Variants in CHCHD3 observed in about 807,000 individuals in gnomAD.
CHCHD3 encodes the protein coiled-coil-helix-coiled-coil-helix domain containing 3, also known as MICOS complex subunit MIC19.
In CHCHD3, 20 loss-of-function variants were observed where a neutral mutation model predicts 38.2. The observed-to-expected ratio is 0.52, with a 90% CI of 0.37 to 0.76. The LOEUF (loss-of-function observed/expected upper bound fraction) is 0.76. CHCHD3 is among the 30% of genes least tolerant of loss of function. The pLI is 0.00. For missense variants in CHCHD3, 245 were observed against 279.2 expected (o/e 0.88, Z 0.87); for synonymous variants, 82 against 100.0 (o/e 0.82, Z 1.07).
chr7:132,872,711 A>C (rs1808795835), intron 5 of CHCHD3, among the ~76,000 whole-genome samples: 1 of 152,230 alleles, frequency 6.6e-6, no homozygotes. Context: ...AAGAAAACCA[A>C]GTATGAATGT....
At chr7:132,986,257 T>G (rs4596591) in intron 3 of CHCHD3, among the ~76,000 whole-genome samples, 1 of 142,724 alleles carries the variant, frequency 7.0e-6, no homozygotes, top group African/African-American at 2.6e-5. Context: ...CCCAGGGACA[T>G]AAACACTGCG....
intron 6 of CHCHD3, among the ~76,000 whole-genome samples, chr7:132,797,684 A>G (rs1414823689): frequency 6.6e-6 from 1 of 152,196 alleles, no homozygotes; most frequent in Non-Finnish European, 1.5e-5. Context: ...TATACTTACA[A>G]ATCTCAGATT....
At chr7:132,960,807 T>A (rs959182906) in intron 4 of CHCHD3, among the ~76,000 whole-genome samples, 1 of 151,866 alleles carries the variant, frequency 6.6e-6, no homozygotes, top group Admixed American at 6.6e-5. Flanking sequence ...TGAAACCCCA[T>A]CTCTACTAAA....
At chr7:132,792,040 G>A (rs1217240735) in intron 7 of CHCHD3, among the ~76,000 whole-genome samples, 3 of 152,190 alleles carry the variant, frequency 2.0e-5, no homozygotes, top group Non-Finnish European at 4.4e-5. Context: ...CTTCTGCTAT[G>A]GTTTGGGGGA....
chr7:132,977,825 C>T (rs1018747727), intron 3 of CHCHD3, among the ~76,000 whole-genome samples: 19 of 151,794 alleles, frequency 1.3e-4, no homozygotes, highest in African/African-American at 4.6e-4. Flanking sequence ...ATTTTAATTA[C>T]ATATGGAGTT....
chr7:133,022,024 T>C (rs911841828), intron 3 of CHCHD3, among the ~76,000 whole-genome samples: 11 of 151,540 alleles, frequency 7.3e-5, no homozygotes, highest in African/African-American at 2.7e-4. Context: ...GAGGTGGAGG[T>C]TGCAGTGAGC....
rs530696815 is a variant in CHCHD3 at position 133,029,989 on chromosome 7, T to A, written c.170-5362A>T. On this transcript the variant is annotated intron_variant, in intron 2 of 7. Transcript: ENST00000262570. ...AGCCAAAGCACAGCTATCTTTCTAA[T>A]GCCCTACCTATTTCCAGAAAAGGAA... 2.0e-5 allele frequency among the ~76,000 whole-genome samples: 3 copies of A among 150,750 alleles called. No homozygotes were observed. The East Asian group carries it at 5.9e-4, about 29-fold the overall frequency.
intron 6 of CHCHD3, among the ~76,000 whole-genome samples, chr7:132,835,865 G>C (rs1807767176): frequency 6.6e-6 from 1 of 152,104 alleles, no homozygotes; most frequent in Non-Finnish European, 1.5e-5. Context: ...AATATGACTG[G>C]TATTCTTGTA....
chr7:132,943,713 A>G (rs1810827656), intron 4 of CHCHD3, among the ~76,000 whole-genome samples: 1 of 152,158 alleles, frequency 6.6e-6, no homozygotes, highest in Non-Finnish European at 1.5e-5. Context: ...TAAAAGTAAA[A>G]CTTATATATG....
intron 6 of CHCHD3, among the ~76,000 whole-genome samples, chr7:132,806,863 G>A (rs1240157320): frequency 6.6e-6 from 1 of 152,190 alleles, no homozygotes; most frequent in Non-Finnish European, 1.5e-5. Context: ...AAAAGAGTGA[G>A]TTTTCAATTC....
At chr7:132,803,865 T>C (rs990242806) in intron 6 of CHCHD3, among the ~76,000 whole-genome samples, 14 of 142,398 alleles carry the variant, frequency 9.8e-5, no homozygotes, top group Non-Finnish European at 3.1e-5. Flanking sequence ...AACAGAGGGA[T>C]TGGCTGGGCA....
At chr7:133,039,829 T>G (rs182918167) in intron 2 of CHCHD3, among the ~76,000 whole-genome samples, 1 of 152,298 alleles carries the variant, frequency 6.6e-6, no homozygotes, top group Admixed American at 6.5e-5. Context: ...AGGAATAGCC[T>G]AGTGACTAAG....
intron 4 of CHCHD3, among the ~76,000 whole-genome samples, chr7:132,915,124 G>GT (rs1204014810): frequency 6.6e-6 from 1 of 150,750 alleles, no homozygotes; most frequent in Non-Finnish European, 1.5e-5. Context: ...AGGTGACAGA[G>GT]CAGTACTCCA....
intron 6 of CHCHD3, among the ~76,000 whole-genome samples, chr7:132,816,718 G>A (rs961700947): frequency 1.3e-5 from 2 of 152,188 alleles, no homozygotes; most frequent in African/African-American, 2.4e-5. Flanking sequence ...AGCCATTCCA[G>A]GAACCAGAAG....
At chr7:132,942,109 T>C (rs1293743003) in intron 4 of CHCHD3, among the ~76,000 whole-genome samples, 3 of 152,070 alleles carry the variant, frequency 2.0e-5, no homozygotes, top group Non-Finnish European at 2.9e-5. Flanking sequence ...CCCTATACAA[T>C]TCTAGGCCTA....
At position 133,035,485 on chromosome 7, in the gene CHCHD3, A is replaced by G; in HGVS notation, c.170-10858T>C. The G allele has an allele frequency of 2.5e-6, 4 of 1,613,536 alleles. No individual in the cohort carries two copies. The highest frequency in any genetic ancestry group is 1.1e-5 in the South Asian group (1 of 91,060). On this transcript the variant is annotated intron_variant, in intron 2 of 7. Transcript: ENST00000262570. The surrounding 1 kb of genome is among the most constrained non-coding windows in gnomAD (Gnocchi z 4.7). ...CCCACCAGAAAAGTCCTCGTCTTCA[A>G]GTAAGCATCCAGCAGCCCCAGAATT...
At chr7:133,034,783 G>A in intron 2 of CHCHD3, 1 of 1,613,108 alleles carries the variant, frequency 6.2e-7, no homozygotes, top group Non-Finnish European at 8.5e-7. Flanking sequence ...GCAAGCTCCT[G>A]GCCTCGGAAG....
At chr7:132,975,340 A>C (rs1811735908) in intron 3 of CHCHD3, 54 bp from the exon 4 acceptor site, 2 of 1,393,284 alleles carry the variant, frequency 1.4e-6, no homozygotes, top group East Asian at 4.7e-5. Flanking sequence ...AGTTGACATT[A>C]TTTTCTATCA....
intron 1 of CHCHD3, among the ~76,000 whole-genome samples, chr7:133,074,269 G>C (rs1584689187): frequency 6.6e-6 from 1 of 152,152 alleles, no homozygotes; most frequent in Non-Finnish European, 1.5e-5. Context: ...ACTGTTACTT[G>C]TATCTCAGGG....
Sources: gnomAD v4.1 joint callset for allele counts (sites outside exome capture counted in the v4.1 genomes callset) on GRCh38, gnomAD v4.1.1 for gene constraint, Gnocchi (gnomAD v3.1) non-coding constraint, MANE v1.5 for transcripts, NCBI Gene and HGNC (gene_info 2026-07-23, HGNC 2026-07-21) for gene names.